The following RUNX2 variants were observed in gnomAD, a reference collection of about 807,000 sequenced individuals.
RUNX2 encodes the protein runt-related transcription factor 2.
In RUNX2, 10 loss-of-function variants were observed where a neutral mutation model predicts 51.7. The observed-to-expected ratio is 0.19, with a 90% CI of 0.12 to 0.33. The LOEUF is 0.33. Ranked by LOEUF, RUNX2 falls within the 10% of genes least tolerant of loss-of-function variation. The pLI, the probability that RUNX2 is intolerant of heterozygous loss-of-function variation, is 1.00. For synonymous variants in RUNX2, 276 were observed against 273.6 expected (o/e 1.01, Z -0.09); for missense variants, 562 against 691.3 (o/e 0.81, Z 2.10).
At chr6:45,331,863 T>C (rs1295529997) in intron 2 of RUNX2, among the ~76,000 whole-genome samples, 1 of 151,966 alleles carries the variant, frequency 6.6e-6, no homozygotes, top group African/African-American at 2.4e-5. Flanking sequence ...CAACTGATAG[T>C]TTGACTTGTT....
intron 6 of RUNX2, among the ~76,000 whole-genome samples, chr6:45,497,396 T>G (rs1200285980): frequency 2.0e-5 from 3 of 152,228 alleles, no homozygotes; most frequent in African/African-American, 7.2e-5. Context: ...GGCTGCTAGA[T>G]AGTCCATCAT....
intron 6 of RUNX2, among the ~76,000 whole-genome samples, chr6:45,497,318 A>AT (rs1359083453): frequency 6.6e-6 from 1 of 152,018 alleles, no homozygotes; most frequent in African/African-American, 2.4e-5. Context: ...TGCACAGGAT[A>AT]TTTTTTTCCT....
At chr6:45,495,444 GT>G (rs1305563494) in intron 6 of RUNX2, among the ~76,000 whole-genome samples, 1 of 152,198 alleles carries the variant, frequency 6.6e-6, no homozygotes, top group Non-Finnish European at 1.5e-5. Context: ...TAGTTAAACT[GT>G]TCGGTTTTAT....
intron 2 of RUNX2, among the ~76,000 whole-genome samples, chr6:45,409,717 G>A (rs941446122): frequency 6.6e-6 from 1 of 152,094 alleles, no homozygotes; most frequent in African/African-American, 2.4e-5. Flanking sequence ...TATTTTAAAA[G>A]GATAGAAAAT....
At chr6:45,401,567 A>G (rs1239816785) in intron 2 of RUNX2, among the ~76,000 whole-genome samples, 1 of 152,262 alleles carries the variant, frequency 6.6e-6, no homozygotes, top group Non-Finnish European at 1.5e-5. Flanking sequence ...TGATTTTTAA[A>G]CAATGCGTAC....
chr6:45,467,515 C>T (rs1313006487), intron 5 of RUNX2, among the ~76,000 whole-genome samples: 3 of 152,136 alleles, frequency 2.0e-5, no homozygotes, highest in African/African-American at 7.2e-5. Flanking sequence ...CTCCTGACCT[C>T]AAGTGATCCA....
Position 45,422,762 on chromosome 6 carries a change from G to T in RUNX2, c.228G>T (p.Ala76=), listed in dbSNP as rs1405419494. Residue 76 remains alanine, a synonymous_variant, in exon 3 of 9, where the codon GCG becomes GCT. Transcript: ENST00000647337. The part of the protein sequence containing the change: ...QQQQQQEAAA[A]AAAAAAAAAA... ...AGCAGCAGCAGGAGGCGGCGGCGGC[G>T]GCTGCGGCGGCGGCGGCGGCTGCGG... The T allele has an allele frequency of 3.8e-6, 5 of 1,325,000 alleles. No homozygotes were observed. Among genetic ancestry groups the T allele is most frequent in the East Asian group, 2.9e-5 (1 of 34,620 alleles). The allele number at this position is 1,325,000 out of a possible 1,614,324, so 82.1% of individuals were successfully genotyped here.
intron 2 of RUNX2, among the ~76,000 whole-genome samples, chr6:45,345,652 C>T (rs973089017): frequency 6.6e-6 from 1 of 152,140 alleles, no homozygotes; most frequent in Non-Finnish European, 1.5e-5. Flanking sequence ...ATTCTTCATT[C>T]CCATTCCCTC....
Position 45,496,572 on chromosome 6 carries a change from A to G in RUNX2, c.859+4458A>G, listed in dbSNP as rs150207472. On this transcript the variant is annotated intron_variant, in intron 6 of 8. Coordinates refer to ENST00000647337, the MANE Select transcript of RUNX2 (RefSeq NM_001024630.4). ...GAAAGTTGAGAAAAGGTCCTTTGAA[A>G]AGCTTTGAAGATCTGTGAGGAATGA... Among the ~76,000 whole-genome samples the G allele has an allele frequency of 2.2e-4, 34 of 152,308 alleles. No homozygotes were observed. The East Asian group carries it at 3.9e-3, about 17-fold the overall frequency.
chr6:45,532,547 G>T (rs1164009798), intron 7 of RUNX2, among the ~76,000 whole-genome samples: 2 of 152,032 alleles, frequency 1.3e-5, no homozygotes, highest in African/African-American at 4.8e-5. Context: ...ATAGGCTACT[G>T]ACATTGTATT....
chr6:45,530,765 G>A (rs1235150814), intron 7 of RUNX2, among the ~76,000 whole-genome samples: 2 of 152,178 alleles, frequency 1.3e-5, no homozygotes, highest in African/African-American at 4.8e-5. Context: ...GGACTATTGG[G>A]TCCTCTGTAA....
intron 5 of RUNX2, among the ~76,000 whole-genome samples, chr6:45,440,858 T>G: frequency 6.6e-6 from 1 of 152,200 alleles, no homozygotes; most frequent in South Asian, 2.1e-4. Flanking sequence ...ACTTGTGGCA[T>G]CATATTGGTG....
At chr6:45,389,866 T>C (rs1309334609) in intron 2 of RUNX2, among the ~76,000 whole-genome samples, 2 of 151,736 alleles carry the variant, frequency 1.3e-5, no homozygotes, top group Non-Finnish European at 2.9e-5. Context: ...AAAAATTAGG[T>C]ATGGTGGTGC....
intron 2 of RUNX2, among the ~76,000 whole-genome samples, chr6:45,364,738 G>C (rs1794844454): frequency 6.6e-6 from 1 of 152,114 alleles, no homozygotes. Context: ...CTGAAACACA[G>C]TGATTTCAAA....
chr6:45,496,232 A>G (rs562982860), intron 6 of RUNX2, among the ~76,000 whole-genome samples: 2 of 152,154 alleles, frequency 1.3e-5, no homozygotes, highest in Non-Finnish European at 1.5e-5. Context: ...AATAATGCTG[A>G]TTCAGGCCCT....
intron 5 of RUNX2, among the ~76,000 whole-genome samples, chr6:45,490,431 A>T (rs184154410): frequency 6.6e-6 from 1 of 152,262 alleles, no homozygotes; most frequent in Non-Finnish European, 1.5e-5. Flanking sequence ...TTGGCCGTGG[A>T]GACAGCTACA....
intron 7 of RUNX2, among the ~76,000 whole-genome samples, chr6:45,540,028 G>A (rs924574557): frequency 2.0e-5 from 3 of 152,190 alleles, no homozygotes; most frequent in Non-Finnish European, 2.9e-5. Flanking sequence ...GCTTACTTTG[G>A]TCTGGCAGAG....
At chr6:45,474,622 T>C (rs1799903233) in intron 5 of RUNX2, among the ~76,000 whole-genome samples, 1 of 152,120 alleles carries the variant, frequency 6.6e-6, no homozygotes, top group African/African-American at 2.4e-5. Context: ...AGTTGAAATG[T>C]CCCTTTGAGC....
In RUNX2 at chr6:45,392,598, C is replaced by T. The variant is rs1797494567; in HGVS notation, c.59-29995C>T. On this transcript the variant is annotated intron_variant, in intron 2 of 8. Transcript: ENST00000647337. ...CGCATAATAATTCTGTGACATTTCC[C>T]AGACAGCAAAGACTTTGGGTGGGGA... Among the ~76,000 whole-genome samples, 3 of 152,168 alleles carry T rather than the reference C, an allele frequency of 2.0e-5. No homozygotes were observed. In the South Asian group the frequency reaches 6.2e-4, roughly 32 times the overall value.
Sources: allele counts gnomAD v4.1 joint callset (sites outside exome capture counted in the v4.1 genomes callset), GRCh38; gene constraint gnomAD v4.1.1; transcripts MANE v1.5; gene names NCBI Gene and HGNC (gene_info 2026-07-23, HGNC 2026-07-21).